CDC7: variants seen among roughly 807,000 people sequenced by gnomAD.
The protein encoded by CDC7 is cell division cycle 7-related protein kinase.
A neutral mutation model predicts 53.5 loss-of-function variants in CDC7; 34 were observed. The observed-to-expected ratio is 0.64, with a 90% CI of 0.48 to 0.85. The LOEUF (loss-of-function observed/expected upper bound fraction) is 0.85, where lower values mean the gene tolerates loss of function less well. Ranked by LOEUF, CDC7 falls within the 40% of genes least tolerant of loss-of-function variation. The probability of loss-of-function intolerance (pLI) is 0.00; values close to 1 mark genes in which losing one functional copy is unlikely to be tolerated. For synonymous variants in CDC7, 211 were observed against 222.8 expected (o/e 0.95, Z 0.47); for missense variants, 594 against 679.7 (o/e 0.87, Z 1.40).
At position 91,501,831 on chromosome 1, in the gene CDC7, G is replaced by T; in HGVS notation, c.115G>T (p.Gly39Cys). ...KKNEQNFKLA[G>C]VKKDIEKLYE... ...AAACGAGCAGAATTTTAAACTTGCA[G>T]GTACGTGTTTAAATCCAAAGATGTA... is the stretch of plus-strand genomic sequence containing the variant. The change falls in exon 2 of 12, where the codon GGT (glycine) becomes TGT (cysteine). Residue 39 changes from glycine (G) to cysteine (C), a missense_variant and splice_region_variant. Physicochemically the swap from Gly to Cys is radical, Grantham distance 159 (BLOSUM62 -3). Coordinates refer to ENST00000234626, the MANE Select transcript of CDC7 (RefSeq NM_003503.4). The T allele has an allele frequency of 6.2e-7, 1 of 1,606,176 alleles. No individual in the cohort carries two copies. Among genetic ancestry groups the T allele is most frequent in the Non-Finnish European group, 8.5e-7 (1 of 1,172,760 alleles).
intron 10 of CDC7, among the ~76,000 whole-genome samples, chr1:91,518,455 T>G (rs909337254): frequency 3.9e-5 from 6 of 152,210 alleles, no homozygotes; most frequent in African/African-American, 1.2e-4. Context: ...GTTGAAGCAC[T>G]ATTCATAATA....
chr1:91,521,956 G>A (rs1667969965), intron 11 of CDC7, among the ~76,000 whole-genome samples: 1 of 152,098 alleles, frequency 6.6e-6, no homozygotes, highest in Non-Finnish European at 1.5e-5. Context: ...CATGAGGTCA[G>A]GAGACCGAGA....
chr1:91,511,550 TC>T (rs1181571300), intron 4 of CDC7, 46 bp from the exon 5 acceptor site: 4 of 1,220,174 alleles, frequency 3.3e-6, no homozygotes, highest in Non-Finnish European at 4.7e-6. Flanking sequence ...AAAGTTTCAG[TC>T]CCTCTGACCT....
intron 2 of CDC7, among the ~76,000 whole-genome samples, chr1:91,502,393 T>C (rs1027639175): frequency 6.6e-6 from 1 of 152,172 alleles, no homozygotes; most frequent in African/African-American, 2.4e-5. Context: ...TGGGACATAG[T>C]AGGTATTTGT....
At chr1:91,520,022 T>C in intron 10 of CDC7, 108 bp from the exon 11 acceptor site, 7 of 844,322 alleles carry the variant, frequency 8.3e-6, no homozygotes, top group Non-Finnish European at 1.2e-5. Flanking sequence ...CTGAAATTTT[T>C]AAGGCTCCCA....
intron 10 of CDC7, among the ~76,000 whole-genome samples, chr1:91,517,191 G>A (rs976961809): frequency 4.6e-5 from 7 of 152,190 alleles, no homozygotes; most frequent in Non-Finnish European, 8.8e-5. Flanking sequence ...TGTAGATATT[G>A]GAAAGTTAAG....
intron 10 of CDC7, among the ~76,000 whole-genome samples, chr1:91,519,227 G>A (rs1350401762): frequency 1.5e-5 from 2 of 131,056 alleles, no homozygotes; most frequent in Non-Finnish European, 3.1e-5. Context: ...CCTGGCCAAT[G>A]TGGCAAAACC....
intron 2 of CDC7, 46 bp from the exon 3 acceptor site, chr1:91,507,808 A>G: frequency 8.7e-7 from 1 of 1,145,030 alleles, no homozygotes; most frequent in Non-Finnish European, 1.3e-6. Context: ...AAACTGTAAA[A>G]TATACTGTCA....
intron 6 of CDC7, 109 bp from the exon 7 acceptor site, chr1:91,512,949 T>C (rs1240153899): frequency 3.2e-6 from 3 of 929,832 alleles, no homozygotes; most frequent in Admixed American, 5.5e-5. Flanking sequence ...AAATTCCTAA[T>C]TGATCCCAAA....
chr1:91,511,886 A>G lies in CDC7; in HGVS notation c.535A>G (p.Lys179Glu). The G allele has an allele frequency of 6.3e-7, 1 of 1,592,312 alleles. No homozygotes were observed. The highest frequency in any genetic ancestry group is 8.6e-7 in the Non-Finnish European group (1 of 1,163,476). Residue 179 changes from lysine (K) to glutamate (E), a missense_variant, in exon 6 of 12, where the codon AAG (lysine) becomes GAG (glutamate). Physicochemically the swap from Lys to Glu is moderately conservative, Grantham distance 56. Transcript: ENST00000234626. ...HQFGIVHRDV[K>E]PSNFLYNRRL... ...GTTTGGTATTGTTCACCGTGATGTT[A>G]AGCCCAGCAATTTTTTATATAATAG... is the stretch of plus-strand genomic sequence containing the variant.
chr1:91,513,027 A>T, intron 6 of CDC7, 31 bp from the exon 7 acceptor site: 1 of 1,601,160 alleles, frequency 6.2e-7, no homozygotes, highest in African/African-American at 1.3e-5. Flanking sequence ...ATTGCTACAG[A>T]TAAGTAAAAA....
intron 2 of CDC7, among the ~76,000 whole-genome samples, chr1:91,504,291 G>C (rs1666866237): frequency 2.0e-5 from 3 of 151,978 alleles, no homozygotes; most frequent in Non-Finnish European, 4.4e-5. Context: ...ATTTTTTTTA[G>C]AAACAGGATC....
chr1:91,506,173 TTTTG>T (rs1045976692), intron 2 of CDC7, among the ~76,000 whole-genome samples: 10 of 152,046 alleles, frequency 6.6e-5, no homozygotes, highest in East Asian at 3.9e-4. Flanking sequence ...CCCAGCTAAT[TTTTG>T]TTTGTTTGTT....
chr1:91,509,387 A>C (rs1391897190), intron 4 of CDC7, among the ~76,000 whole-genome samples: 3 of 151,818 alleles, frequency 2.0e-5, no homozygotes, highest in Non-Finnish European at 4.4e-5. Flanking sequence ...AAAAAAAAAA[A>C]ACACCACAAC....
At chr1:91,510,044 A>G (rs2102349831) in intron 4 of CDC7, among the ~76,000 whole-genome samples, 1 of 152,236 alleles carries the variant, frequency 6.6e-6, no homozygotes, top group Non-Finnish European at 1.5e-5. Context: ...GCAAGAACCC[A>G]TCTTTACAAA....
chr1:91,511,795 T>C lies in CDC7; in HGVS notation c.444T>C (p.Ser148=). ...EHESFLDILN[S]LSFQEVREYM... is the part of the protein sequence containing the mutation. ...CTTTGTTTTAGGACATTCTGAATTC[T>C]CTTTCCTTTCAAGAAGTACGGGAAT... Residue 148 remains serine (S), a synonymous_variant, in exon 6 of 12, where the codon TCT becomes TCC. Coordinates refer to ENST00000234626, the MANE Select transcript of CDC7 (RefSeq NM_003503.4). 8 of 1,605,156 alleles carry C rather than the reference T, an allele frequency of 5.0e-6. No homozygotes were observed. The highest frequency in any genetic ancestry group is 6.0e-6 in the Non-Finnish European group (7 of 1,173,538).
Position 91,513,320 on chromosome 1 carries a change from T to C in CDC7, c.822+13T>C, listed in dbSNP as rs200402233. 1.1e-5 allele frequency: 17 copies of C among 1,608,076 alleles called. No homozygotes were observed. The highest frequency in any genetic ancestry group is 1.4e-5 in the Non-Finnish European group (17 of 1,175,958). Reference sequence around the variant, plus strand: ...AAAAGACGGAAAGGTTCTATCTCTTTTATTTCTTAAGTACCGACACTGTTT... The same window carrying C: ...AAAAGACGGAAAGGTTCTATCTCTTCTATTTCTTAAGTACCGACACTGTTT... On this transcript the variant is annotated intron_variant, in intron 7 of 11. Transcript: ENST00000234626.
At chr1:91,516,340 T>C (rs1326075934) in intron 10 of CDC7, among the ~76,000 whole-genome samples, 1 of 152,154 alleles carries the variant, frequency 6.6e-6, no homozygotes, top group African/African-American at 2.4e-5. Flanking sequence ...ATATAAACAA[T>C]ATAATAGCAG....
rs1668163219 is a variant in CDC7, at chr1:91,524,580, T to C, written c.*145T>C. On this transcript the variant is annotated 3_prime_UTR_variant, in exon 12 of 12. Coordinates refer to ENST00000234626, the MANE Select transcript of CDC7 (RefSeq NM_003503.4). ...GTGTTTGGTGGCACATTCTAAAATATAGATTAAGAATACTTAAAATGCCTG... is the reference window on the plus strand; with the variant it reads ...GTGTTTGGTGGCACATTCTAAAATACAGATTAAGAATACTTAAAATGCCTG... The C allele has an allele frequency of 6.2e-6, 4 of 644,440 alleles. No individual in the cohort carries two copies. The highest frequency in any genetic ancestry group is 7.8e-6 in the Non-Finnish European group (3 of 383,856). The allele number at this position is 644,440 out of a possible 1,614,324, so 39.9% of individuals were successfully genotyped here. A position where few individuals can be genotyped will look rare whatever the true frequency, so the allele number is the denominator to read the frequency against.
Sources: gnomAD v4.1 joint callset for allele counts (sites outside exome capture counted in the v4.1 genomes callset) on GRCh38, gnomAD v4.1.1 for gene constraint, MANE v1.5 for transcripts, NCBI Gene and HGNC (gene_info 2026-07-23, HGNC 2026-07-21) for gene names.